The following FCHSD2 variants were observed in gnomAD, a reference collection of about 807,000 sequenced individuals.
FCHSD2 encodes FCH and double SH3 domains 2.
FCHSD2 carries 38 observed loss-of-function variants against 108.1 expected under a neutral mutation model. That is an observed-to-expected ratio of 0.35 (90% CI 0.27 to 0.46). The LOEUF (loss-of-function observed/expected upper bound fraction) is 0.46, where lower values mean the gene tolerates loss of function less well. Among genes scored for constraint, FCHSD2 ranks in the 20% least tolerant of loss-of-function variants. FCHSD2 has a pLI of 1.00. For missense variants in FCHSD2, 751 were observed against 897.8 expected, an observed-to-expected ratio of 0.84 and a Z score of 2.09; for synonymous variants, 279 against 314.7, an observed-to-expected ratio of 0.89 and a Z score of 1.20.
intron 2 of FCHSD2, among the ~76,000 whole-genome samples, chr11:73,133,976 C>A (rs1382633988): frequency 6.6e-6 from 1 of 151,034 alleles, no homozygotes; most frequent in South Asian, 2.1e-4. Context: ...ATTGGCGTGA[C>A]GATTGTACAA....
chr11:73,066,285 G>A (rs1293434644), intron 3 of FCHSD2, among the ~76,000 whole-genome samples: 2 of 152,102 alleles, frequency 1.3e-5, no homozygotes, highest in African/African-American at 4.8e-5. Context: ...TGGGAAAACT[G>A]GCTAGCCATA....
chr11:72,888,493 G>C (rs1399484938), intron 11 of FCHSD2, among the ~76,000 whole-genome samples: 2 of 152,152 alleles, frequency 1.3e-5, no homozygotes, highest in Non-Finnish European at 2.9e-5. Context: ...TAAGAAGCAG[G>C]ATGTGAAGGC....
intron 4 of FCHSD2, among the ~76,000 whole-genome samples, chr11:73,002,773 T>C (rs904213691): frequency 2.6e-5 from 4 of 152,304 alleles, no homozygotes; most frequent in African/African-American, 9.6e-5. Context: ...TTGGGAAGTC[T>C]TTCACCGTCA....
chr11:72,927,922 T>C (rs904262865), intron 8 of FCHSD2, among the ~76,000 whole-genome samples: 5 of 152,218 alleles, frequency 3.3e-5, no homozygotes, highest in Admixed American at 6.5e-5. Flanking sequence ...CTGAAATCAG[T>C]TGGATGTGGG....
chr11:72,992,042 T>C (rs1857426069), intron 5 of FCHSD2, among the ~76,000 whole-genome samples: 1 of 152,234 alleles, frequency 6.6e-6, no homozygotes, highest in South Asian at 2.1e-4. Flanking sequence ...CTCCTTAAGC[T>C]GATAGGCAAC....
chr11:73,098,291 A>G (rs1860137699), intron 2 of FCHSD2, among the ~76,000 whole-genome samples: 1 of 152,108 alleles, frequency 6.6e-6, no homozygotes. Context: ...TAATCTCCCT[A>G]GTGACTTCTT....
Position 72,840,968 on chromosome 11 carries a change from G to A in FCHSD2, c.2057-9C>T. 1 of 1,602,318 alleles carries A rather than the reference G, an allele frequency of 6.2e-7. No individual in the cohort carries two copies. Among genetic ancestry groups the A allele is most frequent in the Non-Finnish European group, 8.5e-7 (1 of 1,169,694 alleles). ...AGCATGAAGGCTTTTTTCTAAGGGA[G>A]AAAACCAAAGAAGCTCATTTTACTT... is the stretch of plus-strand genomic sequence containing the variant. On this transcript the variant is annotated splice_polypyrimidine_tract_variant and intron_variant, in intron 18 of 19. Transcript: ENST00000409418.
chr11:72,972,961 T>C (rs972509216), intron 8 of FCHSD2, among the ~76,000 whole-genome samples: 3 of 152,240 alleles, frequency 2.0e-5, no homozygotes, highest in Non-Finnish European at 4.4e-5. Flanking sequence ...CTTCTAGGTA[T>C]ATTCCCTTAA....
chr11:72,901,607 G>A (rs985240536), intron 10 of FCHSD2, among the ~76,000 whole-genome samples: 12 of 152,018 alleles, frequency 7.9e-5, no homozygotes, highest in African/African-American at 2.7e-4. Flanking sequence ...CACTGGAAAT[G>A]TAGTAAGTGA....
At chr11:73,070,721 C>T (rs982589630) in intron 3 of FCHSD2, among the ~76,000 whole-genome samples, 11 of 151,460 alleles carry the variant, frequency 7.3e-5, no homozygotes, top group Admixed American at 1.3e-4. Context: ...CCACCATACC[C>T]GGCCTAAATG....
chr11:72,875,592 C>T (rs746812270), intron 12 of FCHSD2, among the ~76,000 whole-genome samples: 2 of 152,188 alleles, frequency 1.3e-5, no homozygotes, highest in Non-Finnish European at 2.9e-5. Flanking sequence ...CTGCCCTGGC[C>T]TCCCAAAATG....
chr11:72,984,258 T>G, intron 7 of FCHSD2, 42 bp from the exon 8 acceptor site: 9 of 1,602,444 alleles, frequency 5.6e-6, no homozygotes, highest in Non-Finnish European at 6.8e-6. Context: ...AAACTGATAT[T>G]GTACTGCAAA....
At chr11:73,085,096 T>G (rs142485523) in intron 2 of FCHSD2, among the ~76,000 whole-genome samples, 1 of 152,346 alleles carries the variant, frequency 6.6e-6, no homozygotes, top group East Asian at 1.9e-4. Context: ...TCTTACTATA[T>G]TTGTTTTGAG....
chr11:72,876,502 G>T (rs1002830873), intron 12 of FCHSD2, among the ~76,000 whole-genome samples: 3 of 152,034 alleles, frequency 2.0e-5, no homozygotes, highest in Non-Finnish European at 4.4e-5. Context: ...TTTCTATTAT[G>T]GATTTTTAAT....
intron 3 of FCHSD2, among the ~76,000 whole-genome samples, chr11:73,067,352 G>A (rs1003516694): frequency 6.6e-6 from 1 of 152,056 alleles, no homozygotes; most frequent in African/African-American, 2.4e-5. Flanking sequence ...CTAGAGGGTG[G>A]ATAACATTAG....
At chr11:72,926,768 G>C (rs1462900627) in intron 8 of FCHSD2, among the ~76,000 whole-genome samples, 6 of 152,148 alleles carry the variant, frequency 3.9e-5, no homozygotes, top group Admixed American at 2.0e-4. Context: ...CAGAAAAACT[G>C]GCACCCCAGA....
intron 12 of FCHSD2, among the ~76,000 whole-genome samples, chr11:72,882,742 C>A (rs960603026): frequency 6.6e-6 from 1 of 152,174 alleles, no homozygotes; most frequent in Non-Finnish European, 1.5e-5. Context: ...ACATCATGTT[C>A]ATGAATTAGA....
chr11:72,884,169 C>T (rs1161601305), intron 12 of FCHSD2, among the ~76,000 whole-genome samples: 3 of 152,062 alleles, frequency 2.0e-5, no homozygotes, highest in Non-Finnish European at 2.9e-5. Context: ...ACATCATCTA[C>T]GAACTATTTC....
At chr11:72,868,544 A>G (rs1854781168) in intron 12 of FCHSD2, among the ~76,000 whole-genome samples, 1 of 152,076 alleles carries the variant, frequency 6.6e-6, no homozygotes, top group African/African-American at 2.4e-5. Flanking sequence ...AAAAAAAATT[A>G]GCTAGGCATG....
Sources: gnomAD v4.1 joint callset for allele counts (sites outside exome capture counted in the v4.1 genomes callset) on GRCh38, gnomAD v4.1.1 for gene constraint, MANE v1.5 for transcripts, NCBI Gene and HGNC (gene_info 2026-07-23, HGNC 2026-07-21) for gene names.